Variants in TTC27 observed in about 807,000 individuals in gnomAD.
TTC27 encodes tetratricopeptide repeat domain 27, also known as tetratricopeptide repeat protein 27.
TTC27 carries 79 observed loss-of-function variants against 115.9 expected under a neutral mutation model. That is an observed-to-expected ratio of 0.68 (90% CI 0.57 to 0.82). The LOEUF is 0.82. TTC27 is among the 40% of genes least tolerant of loss of function. TTC27 has a pLI of 0.00. For missense variants in TTC27, 1,054 were observed against 993.1 expected (o/e 1.06, Z -0.82); for synonymous variants, 401 against 356.0 (o/e 1.13, Z -1.42).
chr2:32,642,157 C>G (rs984297190), intron 4 of TTC27, among the ~76,000 whole-genome samples: 2 of 151,480 alleles, frequency 1.3e-5, no homozygotes, highest in African/African-American at 4.9e-5. Context: ...GTGCCCGGCC[C>G]AAGCATCACA....
intron 15 of TTC27, among the ~76,000 whole-genome samples, chr2:32,786,598 C>T (rs1294936270): frequency 6.6e-6 from 1 of 152,092 alleles, no homozygotes; most frequent in Non-Finnish European, 1.5e-5. Flanking sequence ...GCCTCTGGTC[C>T]CTCCACTACT....
chr2:32,779,155 G>A (rs374193006), intron 14 of TTC27, among the ~76,000 whole-genome samples: 111 of 152,230 alleles, frequency 7.3e-4, no homozygotes, highest in African/African-American at 2.5e-3. Context: ...CCTGGGAGGC[G>A]GAGGTCGCAG....
chr2:32,655,914 A>G (rs964775331), intron 5 of TTC27, among the ~76,000 whole-genome samples: 3 of 152,184 alleles, frequency 2.0e-5, no homozygotes, highest in Admixed American at 6.5e-5. Flanking sequence ...AATAGATGAA[A>G]TTGCAAATTC....
intron 15 of TTC27, among the ~76,000 whole-genome samples, chr2:32,783,604 A>G (rs1472754850): frequency 1.3e-5 from 2 of 152,230 alleles, no homozygotes; most frequent in Non-Finnish European, 2.9e-5. Flanking sequence ...TTTGGGGAAG[A>G]TTTATCTGGT....
rs537859987 is a variant in TTC27, at chr2:32,702,948, C to T, written c.1233+28C>T. 22 of 1,467,428 alleles carry T rather than the reference C, an allele frequency of 1.5e-5. No homozygotes were observed. The East Asian group carries it at 4.8e-4, about 32-fold the overall frequency. 90.9% of individuals were successfully genotyped at this position (1,467,428 alleles called of 1,614,324 possible). The stretch of plus-strand genomic sequence containing the variant: ...AAGAATTAATGTGGCAATTTGTGTG[C>T]TTCTTCCAACTCTCTATTGCTATCA... On this transcript the variant is annotated intron_variant, in intron 10 of 19. Transcript: ENST00000317907.
intron 9 of TTC27, among the ~76,000 whole-genome samples, chr2:32,694,137 A>G (rs1666905044): frequency 6.6e-6 from 1 of 152,178 alleles, no homozygotes; most frequent in Non-Finnish European, 1.5e-5. Context: ...TTTAGAGTGA[A>G]CTGTTCAGAA....
At chr2:32,798,262 T>C (rs1473576421) in intron 16 of TTC27, among the ~76,000 whole-genome samples, 1 of 147,442 alleles carries the variant, frequency 6.8e-6, no homozygotes, top group East Asian at 2.0e-4. Context: ...AAAAAATGAA[T>C]GGTGGCGGGC....
intron 1 of TTC27, among the ~76,000 whole-genome samples, chr2:32,628,906 A>G (rs1022178826): frequency 6.6e-6 from 1 of 150,984 alleles, no homozygotes; most frequent in Non-Finnish European, 1.5e-5. Flanking sequence ...GATTACAGGC[A>G]TGCGCCACCA....
chr2:32,655,121 T>C (rs548858463), intron 5 of TTC27, among the ~76,000 whole-genome samples: 1 of 152,092 alleles, frequency 6.6e-6, no homozygotes, highest in East Asian at 1.9e-4. Flanking sequence ...CTCAAGCAGC[T>C]GGGACTATGG....
intron 18 of TTC27, among the ~76,000 whole-genome samples, chr2:32,813,028 G>A (rs913559702): frequency 1.3e-5 from 2 of 152,060 alleles, no homozygotes; most frequent in African/African-American, 4.8e-5. Flanking sequence ...ATATACAAAA[G>A]AAATATAAAA....
chr2:32,711,287 A>T (rs906744216), intron 10 of TTC27, among the ~76,000 whole-genome samples: 1 of 152,202 alleles, frequency 6.6e-6, no homozygotes, highest in Non-Finnish European at 1.5e-5. Context: ...GTAGAACAGA[A>T]TTAGACAGTT....
At chr2:32,776,964 A>ATCT (rs1352991601) in intron 13 of TTC27, among the ~76,000 whole-genome samples, 1 of 151,756 alleles carries the variant, frequency 6.6e-6, no homozygotes, top group Non-Finnish European at 1.5e-5. Flanking sequence ...TTTTAAGGAA[A>ATCT]TATTATGATG....
At chr2:32,681,990 G>A (rs1368924409) in intron 9 of TTC27, among the ~76,000 whole-genome samples, 9 of 83,268 alleles carry the variant, frequency 1.1e-4, no homozygotes, top group African/African-American at 6.0e-4. Context: ...ATGTGTGTGT[G>A]TGTGTGTGTG....
chr2:32,692,705 T>G (rs1464250297), intron 9 of TTC27, among the ~76,000 whole-genome samples: 1 of 152,104 alleles, frequency 6.6e-6, no homozygotes, highest in Non-Finnish European at 1.5e-5. Context: ...GGCACGGTGG[T>G]TTACACCTGT....
intron 5 of TTC27, among the ~76,000 whole-genome samples, chr2:32,654,644 C>T (rs886277795): frequency 6.6e-6 from 1 of 151,914 alleles, no homozygotes; most frequent in Admixed American, 6.6e-5. Context: ...GATCCTCCTA[C>T]CTTAGCCTTC....
chr2:32,670,177 T>C (rs996399572), intron 7 of TTC27, among the ~76,000 whole-genome samples: 1 of 151,984 alleles, frequency 6.6e-6, no homozygotes, highest in Admixed American at 6.6e-5. Context: ...CGCACCTGGC[T>C]TCTGTCTAGC....
At chr2:32,729,819 CCT>C (rs909680375) in intron 10 of TTC27, among the ~76,000 whole-genome samples, 2 of 152,072 alleles carry the variant, frequency 1.3e-5, no homozygotes, top group Non-Finnish European at 2.9e-5. Context: ...TTCTTCTCCC[CCT>C]GTCTCCATTT....
intron 14 of TTC27, among the ~76,000 whole-genome samples, chr2:32,781,546 T>A (rs562433961): frequency 6.6e-6 from 1 of 152,296 alleles, no homozygotes; most frequent in African/African-American, 2.4e-5. Context: ...AAATTATTCC[T>A]AAATCAGCTT....
chr2:32,710,350 G>A (rs1401462993), intron 10 of TTC27, among the ~76,000 whole-genome samples: 17 of 151,708 alleles, frequency 1.1e-4, no homozygotes, highest in African/African-American at 3.9e-4. Context: ...AAAATAACTA[G>A]GTCAGCATTC....
Sources: gnomAD v4.1 joint callset for allele counts (sites outside exome capture counted in the v4.1 genomes callset) on GRCh38, gnomAD v4.1.1 for gene constraint, MANE v1.5 for transcripts, NCBI Gene and HGNC (gene_info 2026-07-23, HGNC 2026-07-21) for gene names.